The following SSH1 variants were observed in gnomAD, a reference collection of about 807,000 sequenced individuals.
SSH1 encodes protein phosphatase Slingshot homolog 1.
In SSH1, 43 loss-of-function variants were observed where a neutral mutation model predicts 79.7. The ratio of observed to expected loss-of-function variants is 0.54; its 90% CI spans 0.42 to 0.70. The LOEUF is 0.70. Among genes scored for constraint, SSH1 ranks in the 30% least tolerant of loss-of-function variants. The pLI is 0.00. For missense variants in SSH1, 1,206 were observed against 1,358.8 expected (o/e 0.89, Z 1.77); for synonymous variants, 599 against 538.3 (o/e 1.11, Z -1.56).
intron 1 of SSH1, chr12:108,853,232 C>T (rs2039080624): frequency 1.0e-6 from 1 of 985,296 alleles, no homozygotes; most frequent in Admixed American, 6.1e-5. Flanking sequence ...TGATACGAAA[C>T]ATCCTAGGCT....
rs2038008818 is a variant in SSH1 at position 108,818,920 on chromosome 12, A to C, written c.215-607T>G. On this transcript the variant is annotated intron_variant, in intron 3 of 14. Coordinates refer to ENST00000326495, the MANE Select transcript of SSH1 (RefSeq NM_018984.4). ...AGGTGCCCATCACCAGACCCGGCTA[A>C]TTTTTGTATTTATAGTAGAGATGGA... 3.9e-5 allele frequency among the ~76,000 whole-genome samples: 6 copies of C among 152,256 alleles called. No homozygotes were observed. In the South Asian group the frequency reaches 1.2e-3, roughly 32 times the overall value.
At chr12:108,808,773 G>T (rs904257963) in intron 7 of SSH1, among the ~76,000 whole-genome samples, 2 of 150,758 alleles carry the variant, frequency 1.3e-5, no homozygotes, top group East Asian at 3.9e-4. Context: ...AGCAGACTGG[G>T]AAACAATATT....
chr12:108,852,692 A>G lies in SSH1; in HGVS notation c.70-14T>C, dbSNP rs200892733. The G allele has an allele frequency of 4.2e-5, 67 of 1,613,998 alleles. No individual in the cohort carries two copies. The highest frequency in any genetic ancestry group is 5.5e-5 in the Non-Finnish European group (65 of 1,180,028). On this transcript the variant is annotated splice_polypyrimidine_tract_variant and intron_variant, in intron 1 of 14. Transcript: ENST00000326495. Reference sequence around the variant, plus strand: ...GCCAGCCTCCAACTACAGAGAAAGAAAGAGAATATCACACCACAGGCACCA... The same window carrying G: ...GCCAGCCTCCAACTACAGAGAAAGAGAGAGAATATCACACCACAGGCACCA...
At chr12:108,795,790 G>A (rs1289203001) in intron 13 of SSH1, among the ~76,000 whole-genome samples, 1 of 152,174 alleles carries the variant, frequency 6.6e-6, no homozygotes, top group Non-Finnish European at 1.5e-5. Flanking sequence ...AGCCTGGGAG[G>A]TTGAGGTGTC....
chr12:108,784,064 C>T lies in SSH1; in HGVS notation c.*3924G>A, dbSNP rs1392117301. On this transcript the variant is annotated 3_prime_UTR_variant, in exon 15 of 15. Coordinates refer to ENST00000326495, the MANE Select transcript of SSH1 (RefSeq NM_018984.4). Reference sequence around the variant, plus strand: ...GTATTCTGGCACCAACAATTTCCCACCAATGGAAGGCAACTCCCTCTCCAG... The same window carrying T: ...GTATTCTGGCACCAACAATTTCCCATCAATGGAAGGCAACTCCCTCTCCAG... 6.6e-6 allele frequency: 1 copy of T among 152,188 alleles called. No homozygotes were observed. The highest frequency in any genetic ancestry group is 2.4e-5 in the African/African-American group (1 of 41,434). The allele number at this position is 152,188 out of a possible 1,614,324, so 9.4% of individuals were successfully genotyped here. A position where few individuals can be genotyped will look rare whatever the true frequency, so the allele number is the denominator to read the frequency against.
chr12:108,823,415 G>T (rs900443934), intron 2 of SSH1, 54 bp from the exon 3 acceptor site: 19 of 1,438,934 alleles, frequency 1.3e-5, no homozygotes, highest in Non-Finnish European at 1.7e-5. Context: ...CAGGAAAATG[G>T]ACAAAGAATT....
At chr12:108,814,537 C>T (rs977503362) in intron 5 of SSH1, among the ~76,000 whole-genome samples, 4 of 152,044 alleles carry the variant, frequency 2.6e-5, no homozygotes, top group Admixed American at 1.3e-4. Flanking sequence ...GCCCAGTTCC[C>T]AGCCCCCGGG....
At chr12:108,789,369 T>A in intron 14 of SSH1, 125 bp from the exon 15 acceptor site, 1 of 890,918 alleles carries the variant, frequency 1.1e-6, no homozygotes, top group Non-Finnish European at 1.7e-6. Context: ...GGGGAGGCTC[T>A]CATTTCACTT....
In SSH1 at chr12:108,787,230, G is replaced by C. The variant is rs1347167671; in HGVS notation, c.*758C>G. 1.3e-5 allele frequency: 2 copies of C among 152,322 alleles called. No individual in the cohort carries two copies. The highest frequency in any genetic ancestry group is 2.1e-4 in the South Asian group (1 of 4,828). The allele number at this position is 152,322 out of a possible 1,614,324, so 9.4% of individuals were successfully genotyped here. On this transcript the variant is annotated 3_prime_UTR_variant, in exon 15 of 15. Transcript: ENST00000326495. ...CCTTGAGATTTAAACTTCAGCATTA[G>C]CAACAACTGAGAACAACCCATACAT...
intron 8 of SSH1, 150 bp from the exon 9 acceptor site, chr12:108,806,544 A>G: frequency 1.3e-6 from 1 of 744,726 alleles, no homozygotes; most frequent in Non-Finnish European, 2.4e-6. Flanking sequence ...GGCAGCAGGG[A>G]GAGGTGCACA....
chr12:108,835,712 C>G (rs543284458), intron 2 of SSH1, among the ~76,000 whole-genome samples: 23 of 151,872 alleles, frequency 1.5e-4, no homozygotes, highest in African/African-American at 5.1e-4. Flanking sequence ...GGATCCCAAG[C>G]TGAGGTGTCT....
intron 2 of SSH1, among the ~76,000 whole-genome samples, chr12:108,843,583 G>A (rs1566017549): frequency 6.6e-6 from 1 of 152,148 alleles, no homozygotes; most frequent in Non-Finnish European, 1.5e-5. Flanking sequence ...CGCCCAGGGT[G>A]GAATGCAGTG....
chr12:108,790,210 G>C (rs944305159), intron 14 of SSH1, among the ~76,000 whole-genome samples: 1 of 150,484 alleles, frequency 6.6e-6, no homozygotes, highest in African/African-American at 2.4e-5. Context: ...GAGTGCAATT[G>C]CGTGATCTTG....
At chr12:108,801,077 T>G in intron 11 of SSH1, 151 bp from the exon 12 acceptor site, 1 of 750,838 alleles carries the variant, frequency 1.3e-6, no homozygotes, top group South Asian at 1.8e-5. Flanking sequence ...CCTTAATAGC[T>G]ATGTTTTTTG....
chr12:108,842,626 T>C (rs1161437929), intron 2 of SSH1, among the ~76,000 whole-genome samples: 3 of 152,304 alleles, frequency 2.0e-5, no homozygotes, highest in South Asian at 2.1e-4. Flanking sequence ...CCCAAGCACA[T>C]AGTGATGCCG....
At position 108,788,734 on chromosome 12, in the gene SSH1, T is replaced by C. The variant is rs2036374235; in HGVS notation, c.2404A>G (p.Thr802Ala). The stretch of plus-strand genomic sequence containing the variant: ...TGGTGCTGCATCAGGTAGCTGTTGG[T>C]TGTCGGCTTCTCAGATTCATTACTG... ...LFSNESEKPT[T>A]NSYLMQHQES... The change falls in exon 15 of 15, where the codon ACC (threonine) becomes GCC (alanine). Residue 802 changes from threonine (T) to alanine (A), a missense_variant. By Grantham distance (58) the Thr-to-Ala change is moderately conservative. Coordinates refer to ENST00000326495, the MANE Select transcript of SSH1 (RefSeq NM_018984.4). 1 of 1,614,130 alleles carries C rather than the reference T, an allele frequency of 6.2e-7. No individual in the cohort carries two copies. The highest frequency in any genetic ancestry group is 1.7e-5 in the Admixed American group (1 of 60,010).
At chr12:108,825,078 T>C (rs2038262822) in intron 2 of SSH1, among the ~76,000 whole-genome samples, 1 of 152,174 alleles carries the variant, frequency 6.6e-6, no homozygotes. Context: ...AAAAAGAACA[T>C]TCTAATCTTA....
At chr12:108,831,240 C>A (rs2038466050) in intron 2 of SSH1, among the ~76,000 whole-genome samples, 1 of 152,156 alleles carries the variant, frequency 6.6e-6, no homozygotes, top group Admixed American at 6.5e-5. Flanking sequence ...AATGGTACCC[C>A]ACTCTGCATG....
At chr12:108,813,033 A>C (rs1031723064) in intron 5 of SSH1, among the ~76,000 whole-genome samples, 3 of 151,858 alleles carry the variant, frequency 2.0e-5, no homozygotes, top group Non-Finnish European at 4.4e-5. Flanking sequence ...CAGCTTTTTA[A>C]AAAAAACTTT....
Sources: allele counts gnomAD v4.1 joint callset (sites outside exome capture counted in the v4.1 genomes callset), GRCh38; gene constraint gnomAD v4.1.1; transcripts MANE v1.5; gene names NCBI Gene and HGNC (gene_info 2026-07-23, HGNC 2026-07-21).